The following ZBTB7C variants were observed in gnomAD, a reference collection of about 807,000 sequenced individuals.
The protein encoded by ZBTB7C is zinc finger and BTB domain containing 7C, also known as zinc finger and BTB domain-containing protein 7C.
A neutral mutation model predicts 25.7 loss-of-function variants in ZBTB7C; 8 were observed. That is an observed-to-expected ratio of 0.31 (90% confidence interval 0.18 to 0.56). The LOEUF (loss-of-function observed/expected upper bound fraction) is 0.56, where lower values mean the gene tolerates loss of function less well. Ranked by LOEUF, ZBTB7C falls within the 20% of genes least tolerant of loss-of-function variation. The pLI is 0.91. For synonymous variants in ZBTB7C, 394 were observed against 369.0 expected (o/e 1.07, Z -0.78); for missense variants, 824 against 855.2 (o/e 0.96, Z 0.46).
chr18:48,164,324 T>C (rs2041168983), intron 3 of ZBTB7C, among the ~76,000 whole-genome samples: 1 of 152,154 alleles, frequency 6.6e-6, no homozygotes, highest in Non-Finnish European at 1.5e-5. Flanking sequence ...AACCACAAAA[T>C]GTGGTGCTGC....
chr18:48,354,411 CTT>C (rs1224473969), intron 1 of ZBTB7C, among the ~76,000 whole-genome samples: 2 of 152,254 alleles, frequency 1.3e-5, no homozygotes, highest in East Asian at 1.9e-4. Flanking sequence ...CTGTTGGAGT[CTT>C]TACGTGCACG....
chr18:48,340,143 A>G (rs540184665), intron 1 of ZBTB7C, among the ~76,000 whole-genome samples: 3 of 152,354 alleles, frequency 2.0e-5, no homozygotes, highest in South Asian at 2.1e-4. Context: ...CTCCTGGACA[A>G]TGGGATTCTC....
intron 2 of ZBTB7C, among the ~76,000 whole-genome samples, chr18:48,263,260 T>C (rs913695329): frequency 7.9e-5 from 12 of 152,220 alleles, no homozygotes; most frequent in Admixed American, 3.3e-4. Context: ...CCCACGTGGA[T>C]CTTTCTGTCC....
chr18:48,375,387 G>A (rs533993193), intron 1 of ZBTB7C, among the ~76,000 whole-genome samples: 1 of 152,348 alleles, frequency 6.6e-6, no homozygotes, highest in African/African-American at 2.4e-5. Context: ...AAGGAAAGCT[G>A]GGTGGGTCTC....
intron 3 of ZBTB7C, among the ~76,000 whole-genome samples, chr18:48,054,665 A>G (rs1410141957): frequency 2.0e-5 from 3 of 152,208 alleles, no homozygotes; most frequent in African/African-American, 7.2e-5. Flanking sequence ...GTCCACCACG[A>G]GAACCGCCTG....
chr18:48,221,098 AGTCTCCTCTATACTGCCCTT>A (rs1356876943), intron 2 of ZBTB7C, among the ~76,000 whole-genome samples: 3 of 141,748 alleles, frequency 2.1e-5, no homozygotes, highest in African/African-American at 5.4e-5. Context: ...ATACTATCCC[AGTCTCCTCTATACTGCCCTT>A]GTCTCCTCTA....
chr18:48,101,839 G>GCGGA (rs1297950318), intron 3 of ZBTB7C, among the ~76,000 whole-genome samples: 1 of 152,084 alleles, frequency 6.6e-6, no homozygotes, highest in African/African-American at 2.4e-5. Flanking sequence ...ATGTAAATGT[G>GCGGA]CGGACAAGAC....
intron 4 of ZBTB7C, among the ~76,000 whole-genome samples, chr18:48,036,806 G>T (rs116869876): frequency 1.3e-5 from 2 of 152,148 alleles, no homozygotes; most frequent in African/African-American, 4.8e-5. Context: ...TAGGAATCGC[G>T]TTGGGGAATT....
At chr18:48,376,180 C>T (rs993059014) in intron 1 of ZBTB7C, among the ~76,000 whole-genome samples, 1 of 152,330 alleles carries the variant, frequency 6.6e-6, no homozygotes, top group East Asian at 1.9e-4. Flanking sequence ...GTATTTTAAA[C>T]TAATCCATAT....
chr18:48,073,583 A>G (rs1337979134), intron 3 of ZBTB7C, among the ~76,000 whole-genome samples: 2 of 152,134 alleles, frequency 1.3e-5, no homozygotes, highest in Non-Finnish European at 2.9e-5. Context: ...AAGGATTAAA[A>G]CAGGCCCTGA....
intron 2 of ZBTB7C, among the ~76,000 whole-genome samples, chr18:48,306,270 T>C (rs1013789448): frequency 2.0e-5 from 3 of 152,148 alleles, no homozygotes; most frequent in Non-Finnish European, 2.9e-5. Flanking sequence ...TTAACACCCA[T>C]GGTCCAGGCT....
At chr18:48,265,168 G>A (rs1285806755) in intron 2 of ZBTB7C, among the ~76,000 whole-genome samples, 3 of 152,216 alleles carry the variant, frequency 2.0e-5, no homozygotes, top group Non-Finnish European at 4.4e-5. Flanking sequence ...TGTTTGGCAA[G>A]AGTCCCTCTA....
chr18:48,371,894 C>A (rs1356110569), intron 1 of ZBTB7C, among the ~76,000 whole-genome samples: 1 of 152,194 alleles, frequency 6.6e-6, no homozygotes, highest in Non-Finnish European at 1.5e-5. Context: ...GCTCCAATCG[C>A]CAGCTGATCA....
intron 3 of ZBTB7C, among the ~76,000 whole-genome samples, chr18:48,152,444 T>C (rs1201278206): frequency 6.6e-6 from 1 of 152,194 alleles, no homozygotes; most frequent in Admixed American, 6.5e-5. Flanking sequence ...ATAGGTGGCA[T>C]TTCTCAGATA....
intron 3 of ZBTB7C, among the ~76,000 whole-genome samples, chr18:48,182,345 C>A (rs1023916437): frequency 1.3e-5 from 2 of 152,078 alleles, no homozygotes; most frequent in Admixed American, 1.3e-4. Context: ...ATCTGCCAGG[C>A]CTCCACGATT....
chr18:48,181,456 G>A (rs1416561835), intron 3 of ZBTB7C, among the ~76,000 whole-genome samples: 1 of 152,136 alleles, frequency 6.6e-6, no homozygotes, highest in Non-Finnish European at 1.5e-5. Flanking sequence ...CCTGGGCTTT[G>A]CACAAACATT....
intron 2 of ZBTB7C, among the ~76,000 whole-genome samples, chr18:48,238,622 GGC>G (rs1462289577): frequency 6.6e-6 from 1 of 152,184 alleles, no homozygotes; most frequent in Non-Finnish European, 1.5e-5. Context: ...GATCTCTGTA[GGC>G]GCTCCTGGTC....
intron 2 of ZBTB7C, among the ~76,000 whole-genome samples, chr18:48,277,584 C>T (rs148919027): frequency 9.9e-4 from 151 of 152,324 alleles, no homozygotes; most frequent in Non-Finnish European, 1.5e-3. Flanking sequence ...ACAACTAATA[C>T]GCTGCTTAAC....
At chr18:48,156,261 G>A (rs11663191) in intron 3 of ZBTB7C, among the ~76,000 whole-genome samples, 12,284 of 152,250 alleles carry the variant, frequency 0.081, 522 homozygotes, top group African/African-American at 0.093. Context: ...CACGTGACAC[G>A]GCATGGCGAT....
Sources: allele counts gnomAD v4.1 joint callset (sites outside exome capture counted in the v4.1 genomes callset), GRCh38; gene constraint gnomAD v4.1.1; transcripts MANE v1.5; gene names NCBI Gene and HGNC (gene_info 2026-07-23, HGNC 2026-07-21).